RANBP10: variants seen among roughly 807,000 people sequenced by gnomAD.
The protein encoded by RANBP10 is ran-binding protein 10.
RANBP10 carries 24 observed loss-of-function variants against 72.8 expected under a neutral mutation model. The ratio of observed to expected loss-of-function variants is 0.33; its 90% CI spans 0.24 to 0.46. The LOEUF (loss-of-function observed/expected upper bound fraction) is 0.46. RANBP10 is among the 20% of genes least tolerant of loss of function. The pLI, the probability that RANBP10 is intolerant of heterozygous loss-of-function variation, is 1.00. For synonymous variants in RANBP10, 310 were observed against 322.3 expected (o/e 0.96, Z 0.41); for missense variants, 679 against 817.5 (o/e 0.83, Z 2.07).
At chr16:67,784,919 A>C (rs1303864228) in intron 2 of RANBP10, among the ~76,000 whole-genome samples, 1 of 152,040 alleles carries the variant, frequency 6.6e-6, no homozygotes, top group Non-Finnish European at 1.5e-5. Context: ...ACTTAAAAAA[A>C]AAAAAATAGG....
chr16:67,751,758 A>G (rs1321391940), intron 3 of RANBP10, among the ~76,000 whole-genome samples: 1 of 152,168 alleles, frequency 6.6e-6, no homozygotes, highest in Non-Finnish European at 1.5e-5. Context: ...TCTACTAAAA[A>G]TACAAAAATT....
chr16:67,764,528 G>A (rs540167590), intron 3 of RANBP10, among the ~76,000 whole-genome samples: 1 of 151,802 alleles, frequency 6.6e-6, no homozygotes, highest in African/African-American at 2.4e-5. Context: ...CAAATTATCA[G>A]GAACACTCTA....
rs921078071 is a variant in RANBP10 at position 67,731,342 on chromosome 16, C to T, written c.889+130G>A. On this transcript the variant is annotated intron_variant, in intron 7 of 13. Transcript: ENST00000317506. ...TGAAGGTGGGACAGGAACATGGCCTCGAGCTGCAAGCTGGTCATGAGGACC... is the reference window on the plus strand; with the variant it reads ...TGAAGGTGGGACAGGAACATGGCCTTGAGCTGCAAGCTGGTCATGAGGACC... The T allele has an allele frequency of 7.8e-5, 55 of 707,876 alleles. 1 individual carries two copies. The highest frequency in any genetic ancestry group is 3.7e-5 in the Non-Finnish European group (15 of 409,324). The allele number at this position is 707,876 out of a possible 1,614,324, so 43.8% of individuals were successfully genotyped here.
chr16:67,780,155 C>A (rs2054784057), intron 2 of RANBP10, among the ~76,000 whole-genome samples: 1 of 152,058 alleles, frequency 6.6e-6, no homozygotes, highest in African/African-American at 2.4e-5. Flanking sequence ...TCACTTGAAC[C>A]CGGGAGGCGG....
At position 67,728,487 on chromosome 16, in the gene RANBP10, T is replaced by C. The variant is rs374758929; in HGVS notation, c.1377A>G (p.Ala459=). Residue 459 remains alanine, a synonymous_variant, in exon 11 of 14, where the codon GCA becomes GCG. Coordinates refer to ENST00000317506, the MANE Select transcript of RANBP10 (RefSeq NM_020850.3). The stretch of plus-strand genomic sequence containing the variant: ...CTAGCACACCGTTGGGGTAGTGCTC[T>C]GCCTCCATCTCCATCTCACTGTCGC... The part of the protein sequence containing the change: ...ETSDSEMEME[A]EHYPNGVLGS... 14 of 1,614,182 alleles carry C rather than the reference T, an allele frequency of 8.7e-6. No individual in the cohort carries two copies. In the African/African-American group the frequency reaches 1.5e-4, roughly 17 times the overall value.
At chr16:67,779,306 G>T (rs1359826039) in intron 2 of RANBP10, among the ~76,000 whole-genome samples, 1 of 151,422 alleles carries the variant, frequency 6.6e-6, no homozygotes, top group Non-Finnish European at 1.5e-5. Context: ...GAGGTGGGAG[G>T]ATGGCTTGAG....
At chr16:67,763,904 CCAGGCTAGTCTTGAACTTCTGA>C (rs1437522065) in intron 3 of RANBP10, among the ~76,000 whole-genome samples, 7 of 152,144 alleles carry the variant, frequency 4.6e-5, no homozygotes, top group Non-Finnish European at 1.0e-4. Flanking sequence ...ACCATGTTGG[CCAGGCTAGTCTTGAACTTCTGA>C]CCTCAAATGA....
intron 3 of RANBP10, among the ~76,000 whole-genome samples, chr16:67,765,423 G>A (rs1479591221): frequency 1.3e-5 from 2 of 152,136 alleles, no homozygotes; most frequent in African/African-American, 4.8e-5. Context: ...CCACTCGGGA[G>A]GCTGAGGCAG....
At chr16:67,778,165 T>C (rs1597896572) in intron 2 of RANBP10, among the ~76,000 whole-genome samples, 1 of 152,126 alleles carries the variant, frequency 6.6e-6, no homozygotes, top group East Asian at 1.9e-4. Context: ...GCCTGACCTA[T>C]GTGGAGAAAC....
At chr16:67,787,757 G>A (rs2054941582) in intron 2 of RANBP10, among the ~76,000 whole-genome samples, 1 of 152,098 alleles carries the variant, frequency 6.6e-6, no homozygotes, top group Non-Finnish European at 1.5e-5. Flanking sequence ...ATCCCAGCAC[G>A]TTGGGAGGCT....
chr16:67,772,140 G>A, intron 2 of RANBP10, 54 bp from the exon 3 acceptor site: 4 of 1,551,994 alleles, frequency 2.6e-6, no homozygotes, highest in Non-Finnish European at 3.5e-6. Context: ...AAATGCTCAT[G>A]CGTCTCCCTT....
chr16:67,749,105 G>A (rs2054146247), intron 3 of RANBP10, among the ~76,000 whole-genome samples: 1 of 152,152 alleles, frequency 6.6e-6, no homozygotes, highest in South Asian at 2.1e-4. Context: ...GCAAGCAAAG[G>A]TGTGGGAATG....
rs963100804 is a variant in RANBP10, at chr16:67,728,250, G to A, written c.1474+140C>T. On this transcript the variant is annotated intron_variant, in intron 11 of 13. Transcript: ENST00000317506. The stretch of plus-strand genomic sequence containing the variant: ...CCACCTCAAGGACCCATTCACAATC[G>A]GCTAAGGAGGCTGTGGACCAGGTCT... 1.6e-5 allele frequency: 15 copies of A among 911,318 alleles called. No individual in the cohort carries two copies. The Middle Eastern group carries it at 9.8e-4, about 59-fold the overall frequency. 56.5% of individuals were successfully genotyped at this position (911,318 alleles called of 1,614,324 possible). A position where few individuals can be genotyped will look rare whatever the true frequency, so the allele number is the denominator to read the frequency against.
At position 67,728,521 on chromosome 16, in the gene RANBP10, G is replaced by A. The variant is rs2053655286; in HGVS notation, c.1353-10C>T. On this transcript the variant is annotated splice_polypyrimidine_tract_variant and intron_variant, in intron 10 of 13. Coordinates refer to ENST00000317506, the MANE Select transcript of RANBP10 (RefSeq NM_020850.3). The stretch of plus-strand genomic sequence containing the variant: ...CTCCATCTCACTGTCGCTGTGGGGA[G>A]GGGTTGAGGTGGGAGTTGGCCCAGG... 1 of 1,614,064 alleles carries A rather than the reference G, an allele frequency of 6.2e-7. No homozygotes were observed.
intron 2 of RANBP10, among the ~76,000 whole-genome samples, chr16:67,782,222 C>A (rs2054826403): frequency 6.6e-6 from 1 of 152,168 alleles, no homozygotes. Flanking sequence ...TCACTGCAAC[C>A]TCTGCCTCCC....
In RANBP10 at chr16:67,729,760, G is replaced by C; in HGVS notation, c.1067C>G (p.Pro356Arg). Reference protein sequence around the residue: ...SEVRSLSSRSPKSQDSYPGSP... With the variant: ...SEVRSLSSRSRKSQDSYPGSP... The stretch of plus-strand genomic sequence containing the variant: ...GCCAGGGTAGCTGTCCTGGGACTTG[G>C]GGCTTCGGGAGCTCAAACTTCGGAC... The change falls in exon 9 of 14, where the codon CCC (proline) becomes CGC (arginine). Residue 356 changes from proline to arginine, a missense_variant. Pro to Arg is a moderately radical substitution (Grantham distance 103). Transcript: ENST00000317506. This position sits in a 1 kb window ranked among gnomAD's most constrained non-coding sequence, Gnocchi z 7.1. 1.2e-6 allele frequency: 2 copies of C among 1,614,124 alleles called. No homozygotes were observed. Among genetic ancestry groups the C allele is most frequent in the Non-Finnish European group, 1.7e-6 (2 of 1,180,034 alleles).
rs547052087 is a variant in RANBP10 at position 67,765,863 on chromosome 16, A to G, written c.400+6171T>C. Among the ~76,000 whole-genome samples, 3 of 151,976 alleles carry G rather than the reference A, an allele frequency of 2.0e-5. No individual in the cohort carries two copies. The South Asian group carries it at 6.2e-4, about 32-fold the overall frequency. ...TAAATAAATTATAATAAATAAATAA[A>G]TAAGTCAGACATGGTGGCATGTGCC... On this transcript the variant is annotated intron_variant, in intron 3 of 13. Coordinates refer to ENST00000317506, the MANE Select transcript of RANBP10 (RefSeq NM_020850.3).
chr16:67,805,308 G>T, intron 2 of RANBP10, 120 bp downstream of exon 2: 1 of 803,838 alleles, frequency 1.2e-6, no homozygotes. Context: ...AATAATGGCA[G>T]CCCAGACCCA....
chr16:67,786,314 G>A (rs114629401), intron 2 of RANBP10, among the ~76,000 whole-genome samples: 5,685 of 151,736 alleles, frequency 0.037, 343 homozygotes, highest in African/African-American at 0.13. Flanking sequence ...GTGCGACAGA[G>A]CAAAAATCCA....
Sources: gnomAD v4.1 joint callset for allele counts (sites outside exome capture counted in the v4.1 genomes callset) on GRCh38, gnomAD v4.1.1 for gene constraint, Gnocchi (gnomAD v3.1) non-coding constraint, MANE v1.5 for transcripts, NCBI Gene and HGNC (gene_info 2026-07-23, HGNC 2026-07-21) for gene names.